The following NALF1 variants were observed in gnomAD, a reference collection of about 807,000 sequenced individuals.
The protein encoded by NALF1 is NALCN channel auxiliary factor 1, also known as family with sequence similarity 155 member A.
NALF1 carries 3 observed loss-of-function variants against 48.4 expected under a neutral mutation model. That is an observed-to-expected ratio of 0.06 (90% CI 0.03 to 0.16). The LOEUF (loss-of-function observed/expected upper bound fraction) is 0.16. Among genes scored for constraint, NALF1 ranks in the 10% least tolerant of loss-of-function variants. The pLI, the probability that NALF1 is intolerant of heterozygous loss-of-function variation, is 1.00. For synonymous variants in NALF1, 262 were observed against 245.7 expected (o/e 1.07, Z -0.62); for missense variants, 526 against 571.5 (o/e 0.92, Z 0.81).
At chr13:107,785,168 A>G (rs1878036581) in intron 1 of NALF1, among the ~76,000 whole-genome samples, 1 of 151,920 alleles carries the variant, frequency 6.6e-6, no homozygotes, top group Non-Finnish European at 1.5e-5. Flanking sequence ...TTGTAAGTAA[A>G]TCTTATAAAA....
At chr13:107,723,431 C>A (rs2138529454) in intron 1 of NALF1, among the ~76,000 whole-genome samples, 1 of 151,442 alleles carries the variant, frequency 6.6e-6, no homozygotes, top group South Asian at 2.1e-4. Flanking sequence ...TTCATACACA[C>A]ACACACATAC....
At chr13:107,339,252 G>T (rs949984539) in intron 1 of NALF1, among the ~76,000 whole-genome samples, 1 of 151,874 alleles carries the variant, frequency 6.6e-6, no homozygotes, top group African/African-American at 2.4e-5. Context: ...CTTATTGTTT[G>T]GTTGTTAGCT....
intron 1 of NALF1, among the ~76,000 whole-genome samples, chr13:107,485,187 C>A (rs1449741511): frequency 6.6e-6 from 1 of 152,166 alleles, no homozygotes; most frequent in Admixed American, 6.5e-5. Context: ...AGCTGCTGTG[C>A]ATGTCTGTGA....
intron 1 of NALF1, among the ~76,000 whole-genome samples, chr13:107,597,403 C>A (rs1878785380): frequency 6.6e-6 from 1 of 152,118 alleles, no homozygotes; most frequent in Non-Finnish European, 1.5e-5. Context: ...ACAGTAGGTT[C>A]TCCTATGTAG....
chr13:107,167,946 T>A lies in NALF1; in HGVS notation c.*2551A>T, dbSNP rs1056960210. The A allele has an allele frequency of 3.9e-5, 6 of 152,210 alleles. No individual in the cohort carries two copies. Among genetic ancestry groups the A allele is most frequent in the African/African-American group, 1.4e-4 (6 of 41,450 alleles). 9.4% of individuals were successfully genotyped at this position (152,210 alleles called of 1,614,324 possible). A position where few individuals can be genotyped will look rare whatever the true frequency, so the allele number is the denominator to read the frequency against. On this transcript the variant is annotated 3_prime_UTR_variant, in exon 3 of 3. Coordinates refer to ENST00000375915, the MANE Select transcript of NALF1 (RefSeq NM_001080396.3). Reference sequence around the variant, plus strand: ...ATATTGAGAAAATGAAAACCTATATTTTAAGGAATACTGCTTTTCGTCATT... The same window carrying A: ...ATATTGAGAAAATGAAAACCTATATATTAAGGAATACTGCTTTTCGTCATT...
intron 1 of NALF1, among the ~76,000 whole-genome samples, chr13:107,390,076 T>C (rs1883597427): frequency 6.6e-6 from 1 of 152,130 alleles, no homozygotes; most frequent in Admixed American, 6.6e-5. Flanking sequence ...ATATATTCAC[T>C]AGTAGATTAT....
intron 1 of NALF1, among the ~76,000 whole-genome samples, chr13:107,750,651 A>C (rs762404706): frequency 6.6e-6 from 1 of 152,170 alleles, no homozygotes; most frequent in Non-Finnish European, 1.5e-5. Flanking sequence ...TGATAGTAAC[A>C]GGTAACAGTA....
Position 107,609,080 on chromosome 13 carries a change from TC to T in NALF1, c.915+256601del, listed in dbSNP as rs1315789057. Among the ~76,000 whole-genome samples the T allele has an allele frequency of 2.0e-5, 3 of 152,054 alleles. No individual in the cohort carries two copies. In the East Asian group the frequency reaches 5.9e-4, roughly 30 times the overall value. ...GAGGAAAGAAGACTACCTTTTCTTT[TC>T]CCCCTGCCGTTGGTATAGCTGGTGC... On this transcript the variant is annotated intron_variant, in intron 1 of 2. Transcript: ENST00000375915.
chr13:107,670,799 A>G (rs1880971972), intron 1 of NALF1, among the ~76,000 whole-genome samples: 2 of 152,118 alleles, frequency 1.3e-5, no homozygotes, highest in South Asian at 4.1e-4. Flanking sequence ...ATTGTTAAGC[A>G]AGGTCTCCTA....
chr13:107,314,870 C>T (rs1219828827), intron 1 of NALF1, among the ~76,000 whole-genome samples: 1 of 152,114 alleles, frequency 6.6e-6, no homozygotes, highest in Non-Finnish European at 1.5e-5. Flanking sequence ...AAAGCTCACG[C>T]AATTCAAATA....
At chr13:107,387,956 T>C (rs1883558307) in intron 1 of NALF1, among the ~76,000 whole-genome samples, 1 of 152,228 alleles carries the variant, frequency 6.6e-6, no homozygotes, top group African/African-American at 2.4e-5. Context: ...CATTAAAATG[T>C]ACCAGTTGCC....
intron 1 of NALF1, among the ~76,000 whole-genome samples, chr13:107,230,512 A>T (rs988018093): frequency 6.6e-6 from 1 of 152,064 alleles, no homozygotes; most frequent in Non-Finnish European, 1.5e-5. Flanking sequence ...TATTATTATT[A>T]TTATTTTTAT....
chr13:107,170,096 A>AAC lies in NALF1; in HGVS notation c.*399_*400dup, dbSNP rs1387333410. On this transcript the variant is annotated 3_prime_UTR_variant, in exon 3 of 3. Transcript: ENST00000375915. ...GACATAAAGACAGAACTATCTGATGAACACACACAATGACTAGAAATATAT... is the reference window on the plus strand; with the variant it reads ...GACATAAAGACAGAACTATCTGATGAACACACACACAATGACTAGAAATATAT... 1.2e-5 allele frequency: 2 copies of AAC among 163,816 alleles called. No individual in the cohort carries two copies. The highest frequency in any genetic ancestry group is 5.8e-5 in the Admixed American group (1 of 17,104). The allele number at this position is 163,816 out of a possible 1,614,324, so 10.1% of individuals were successfully genotyped here. A position where few individuals can be genotyped will look rare whatever the true frequency, so the allele number is the denominator to read the frequency against.
intron 1 of NALF1, among the ~76,000 whole-genome samples, chr13:107,492,039 T>G (rs1566364249): frequency 8.4e-6 from 1 of 119,008 alleles, no homozygotes; most frequent in African/African-American, 3.5e-5. Flanking sequence ...TGGGTTTTTT[T>G]TTGTTTTTTT....
intron 1 of NALF1, among the ~76,000 whole-genome samples, chr13:107,331,559 C>A (rs1566487377): frequency 6.6e-6 from 1 of 152,080 alleles, no homozygotes; most frequent in Non-Finnish European, 1.5e-5. Context: ...ACCGCAATTA[C>A]TTTTGCACCA....
intron 1 of NALF1, among the ~76,000 whole-genome samples, chr13:107,827,414 C>T (rs1879554045): frequency 6.6e-6 from 1 of 152,122 alleles, no homozygotes; most frequent in African/African-American, 2.4e-5. Context: ...TCATTCCAAC[C>T]AGGTACGCAG....
rs900905521 is a variant in NALF1, at chr13:107,596,818, A to G, written c.915+268864T>C. ...GCACATGTATCCCAGAACTTAAAGT[A>G]TAATATATGGAAAAAGAAAAGACAA... On this transcript the variant is annotated intron_variant, in intron 1 of 2. Transcript: ENST00000375915. Among the ~76,000 whole-genome samples, 67 of 152,324 alleles carry G rather than the reference A, an allele frequency of 4.4e-4. 1 individual carries two copies. Among genetic ancestry groups the G allele is most frequent in the African/African-American group, 1.3e-3 (55 of 41,572 alleles).
intron 1 of NALF1, among the ~76,000 whole-genome samples, chr13:107,259,199 C>CT (rs549787799): frequency 4.6e-5 from 7 of 152,080 alleles, no homozygotes; most frequent in Non-Finnish European, 1.0e-4. Context: ...AGCTGATAAA[C>CT]TTTTTGATGT....
At chr13:107,434,072 G>C (rs1000492455) in intron 1 of NALF1, among the ~76,000 whole-genome samples, 1 of 152,174 alleles carries the variant, frequency 6.6e-6, no homozygotes, top group Non-Finnish European at 1.5e-5. Context: ...GCATATTTCT[G>C]CTCTACTAAA....
Sources: gnomAD v4.1 joint callset for allele counts (sites outside exome capture counted in the v4.1 genomes callset) on GRCh38, gnomAD v4.1.1 for gene constraint, MANE v1.5 for transcripts, NCBI Gene and HGNC (gene_info 2026-07-23, HGNC 2026-07-21) for gene names.